The following TMEM117 variants were observed in gnomAD, a reference collection of about 807,000 sequenced individuals.
TMEM117 encodes the protein transmembrane protein 117.
A neutral mutation model predicts 52.4 loss-of-function variants in TMEM117; 27 were observed. That is an observed-to-expected ratio of 0.51 (90% CI 0.38 to 0.71). TMEM117 has a LOEUF of 0.71. Ranked by LOEUF, TMEM117 falls within the 30% of genes least tolerant of loss-of-function variation. TMEM117 has a pLI of 0.00. For synonymous variants in TMEM117, 215 were observed against 206.3 expected, an observed-to-expected ratio of 1.04 and a Z score of -0.36; for missense variants, 556 against 630.5, an observed-to-expected ratio of 0.88 and a Z score of 1.26.
In TMEM117 at chr12:43,942,584, A is replaced by G. The variant is rs558153640; in HGVS notation, c.278-1626A>G. Among the ~76,000 whole-genome samples, 10 of 151,688 alleles carry G rather than the reference A, an allele frequency of 6.6e-5. No individual in the cohort carries two copies. In the South Asian group the frequency reaches 1.9e-3, roughly 28 times the overall value. On this transcript the variant is annotated intron_variant, in intron 2 of 7. Coordinates refer to ENST00000266534, the MANE Select transcript of TMEM117 (RefSeq NM_032256.3). ...TTTGCTTCTCTTGGATAGGCCAAGAATCCATGGCATGATGTAACCAAATCT... is the reference window on the plus strand; with the variant it reads ...TTTGCTTCTCTTGGATAGGCCAAGAGTCCATGGCATGATGTAACCAAATCT...
intron 3 of TMEM117, among the ~76,000 whole-genome samples, chr12:44,100,793 A>G (rs1947848239): frequency 6.6e-6 from 1 of 151,952 alleles, no homozygotes; most frequent in African/African-American, 2.4e-5. Context: ...CTCACTTCAG[A>G]GCCGTTACTG....
At chr12:43,931,492 GA>G (rs1300137261) in intron 2 of TMEM117, among the ~76,000 whole-genome samples, 1 of 152,134 alleles carries the variant, frequency 6.6e-6, no homozygotes, top group Non-Finnish European at 1.5e-5. Flanking sequence ...TGATACTGTT[GA>G]TATAGTTAGT....
At chr12:44,309,777 A>T (rs1367277765) in intron 6 of TMEM117, among the ~76,000 whole-genome samples, 4 of 90,926 alleles carry the variant, frequency 4.4e-5, no homozygotes, top group South Asian at 2.6e-4. Context: ...AATGAGAATT[A>T]AAAAAAAAAA....
At chr12:44,247,278 A>C (rs974420693) in intron 5 of TMEM117, among the ~76,000 whole-genome samples, 3 of 152,174 alleles carry the variant, frequency 2.0e-5, no homozygotes, top group Admixed American at 6.5e-5. Flanking sequence ...TACTATTAGG[A>C]AATAATGGTG....
At chr12:43,969,134 C>T (rs1945534237) in intron 3 of TMEM117, among the ~76,000 whole-genome samples, 1 of 151,856 alleles carries the variant, frequency 6.6e-6, no homozygotes, top group Non-Finnish European at 1.5e-5. Context: ...AGAAAATGCA[C>T]TTTAATTGCT....
chr12:44,056,268 T>A (rs543418486), intron 3 of TMEM117, among the ~76,000 whole-genome samples: 6 of 152,232 alleles, frequency 3.9e-5, no homozygotes, highest in East Asian at 3.9e-4. Context: ...AAGCATTTTT[T>A]AAATATATTA....
At chr12:44,300,023 A>G (rs1026065863) in intron 6 of TMEM117, among the ~76,000 whole-genome samples, 1 of 152,200 alleles carries the variant, frequency 6.6e-6, no homozygotes, top group Non-Finnish European at 1.5e-5. Flanking sequence ...AGGGGGAAAA[A>G]AAACACACTC....
At chr12:44,323,595 A>G (rs997694694) in intron 6 of TMEM117, among the ~76,000 whole-genome samples, 32 of 152,284 alleles carry the variant, frequency 2.1e-4, no homozygotes, top group African/African-American at 7.2e-4. Context: ...CTGCTAAAAC[A>G]TTAAGAAAAT....
At chr12:43,810,390 A>C in the TMEM117 span, among the ~76,000 whole-genome samples, 8 of 152,170 alleles carry the variant, frequency 5.3e-5, no homozygotes, top group Non-Finnish European at 1.2e-4. Context: ...CCTAACGTTT[A>C]AATAGCATGT....
the TMEM117 span, among the ~76,000 whole-genome samples, chr12:43,807,595 T>C: frequency 1.3e-5 from 2 of 152,252 alleles, no homozygotes; most frequent in African/African-American, 4.8e-5. Context: ...GACTGATTCA[T>C]GTCCTAGTGC....
chr12:44,268,856 C>T (rs1950412333), intron 5 of TMEM117, among the ~76,000 whole-genome samples: 1 of 152,034 alleles, frequency 6.6e-6, no homozygotes, highest in African/African-American at 2.4e-5. Flanking sequence ...ATAGGGACCC[C>T]AAAAACCTCT....
At chr12:44,231,375 A>G (rs1350140168) in intron 5 of TMEM117, among the ~76,000 whole-genome samples, 1 of 151,238 alleles carries the variant, frequency 6.6e-6, no homozygotes, top group Non-Finnish European at 1.5e-5. Context: ...AAAAAAATCC[A>G]TTCTCCTCTC....
chr12:43,923,704 A>G (rs548422291), intron 2 of TMEM117, among the ~76,000 whole-genome samples: 2 of 152,210 alleles, frequency 1.3e-5, no homozygotes, highest in Non-Finnish European at 2.9e-5. Context: ...ATTTTCTGTC[A>G]TAATTTCAAG....
intron 4 of TMEM117, among the ~76,000 whole-genome samples, chr12:44,203,708 C>A (rs1949527831): frequency 6.6e-6 from 1 of 152,138 alleles, no homozygotes; most frequent in South Asian, 2.1e-4. Flanking sequence ...ACTCTGTACC[C>A]AAATGTCATT....
intron 3 of TMEM117, among the ~76,000 whole-genome samples, chr12:43,975,786 A>T (rs879540142): frequency 2.6e-5 from 4 of 152,198 alleles, no homozygotes; most frequent in Non-Finnish European, 4.4e-5. Flanking sequence ...AACAAAGGTG[A>T]TCTTTGCTGG....
intron 2 of TMEM117, among the ~76,000 whole-genome samples, chr12:43,882,288 C>T (rs936623365): frequency 1.3e-5 from 2 of 151,426 alleles, no homozygotes; most frequent in Admixed American, 6.6e-5. Context: ...GGTGAAACCA[C>T]GTCTCTACTA....
intron 2 of TMEM117, among the ~76,000 whole-genome samples, chr12:43,907,272 T>A (rs1315407599): frequency 6.6e-6 from 1 of 151,782 alleles, no homozygotes; most frequent in East Asian, 1.9e-4. Flanking sequence ...CCAACAGACC[T>A]GCAGCCGAGG....
At chr12:44,088,616 G>C (rs547508885) in intron 3 of TMEM117, among the ~76,000 whole-genome samples, 10 of 152,162 alleles carry the variant, frequency 6.6e-5, no homozygotes, top group Non-Finnish European at 1.0e-4. Flanking sequence ...ATCTAATGTG[G>C]TCCTGGGTGA....
chr12:44,097,164 G>C (rs1441645427), intron 3 of TMEM117, among the ~76,000 whole-genome samples: 1 of 152,098 alleles, frequency 6.6e-6, no homozygotes, highest in Non-Finnish European at 1.5e-5. Context: ...ACCATAATGA[G>C]ACACCATCTC....
Sources: gnomAD v4.1 joint callset for allele counts (sites outside exome capture counted in the v4.1 genomes callset) on GRCh38, gnomAD v4.1.1 for gene constraint, MANE v1.5 for transcripts, NCBI Gene and HGNC (gene_info 2026-07-23, HGNC 2026-07-21) for gene names.